The following PDE4B variants were observed in gnomAD, a reference collection of about 807,000 sequenced individuals.
PDE4B encodes phosphodiesterase 4B, also known as 3',5'-cyclic-AMP phosphodiesterase 4B.
PDE4B carries 20 observed loss-of-function variants against 82.2 expected under a neutral mutation model. That is an observed-to-expected ratio of 0.24 (90% CI 0.17 to 0.35). The LOEUF is 0.35. Among genes scored for constraint, PDE4B ranks in the 10% least tolerant of loss-of-function variants. The pLI is 1.00. For synonymous variants in PDE4B, 320 were observed against 318.9 expected, an observed-to-expected ratio of 1.00 and a Z score of -0.04; for missense variants, 655 against 907.2, an observed-to-expected ratio of 0.72 and a Z score of 3.57.
intron 3 of PDE4B, among the ~76,000 whole-genome samples, chr1:65,988,523 T>A (rs953128419): frequency 3.3e-5 from 5 of 152,064 alleles, no homozygotes; most frequent in African/African-American, 1.2e-4. Context: ...AGTCTAATGG[T>A]TGTGTGTTGT....
rs5774802 is a variant in PDE4B at position 66,136,697 on chromosome 1, CAAAAAA to C, written c.282-110744_282-110739del. ...TGAACGACAGAGCAAGACTCCCTCT[CAAAAAA>C]AAAAAAAAAAAAAAAAAAGAATGTT... On this transcript the variant is annotated intron_variant, in intron 3 of 16. Transcript: ENST00000341517. Among the ~76,000 whole-genome samples the C allele has an allele frequency of 8.1e-5, 5 of 61,564 alleles. No individual in the cohort carries two copies. In the Admixed American group the frequency reaches 8.8e-4, roughly 11 times the overall value. 40.4% of individuals were successfully genotyped at this position (61,564 alleles called of 152,430 possible).
At chr1:66,313,960 C>A (rs1164141639) in intron 7 of PDE4B, among the ~76,000 whole-genome samples, 1 of 152,100 alleles carries the variant, frequency 6.6e-6, no homozygotes, top group African/African-American at 2.4e-5. Context: ...TCCCCCTCCT[C>A]CCCTAACTCC....
intron 3 of PDE4B, among the ~76,000 whole-genome samples, chr1:65,987,688 C>T (rs1651026823): frequency 2.0e-5 from 3 of 152,168 alleles, no homozygotes; most frequent in Non-Finnish European, 4.4e-5. Flanking sequence ...TCTCTGCTCA[C>T]CACAACCTCC....
intron 1 of PDE4B, among the ~76,000 whole-genome samples, chr1:65,901,077 G>C (rs1383092058): frequency 6.6e-6 from 1 of 152,132 alleles, no homozygotes; most frequent in East Asian, 1.9e-4. Flanking sequence ...TCAGTATGCT[G>C]TTGGCTGTGG....
At chr1:66,236,856 G>T (rs1433936452) in intron 3 of PDE4B, among the ~76,000 whole-genome samples, 1 of 152,132 alleles carries the variant, frequency 6.6e-6, no homozygotes, top group Non-Finnish European at 1.5e-5. Flanking sequence ...CAACCAAACT[G>T]GTTTTAAATC....
intron 3 of PDE4B, among the ~76,000 whole-genome samples, chr1:65,925,113 C>T (rs1647426526): frequency 6.6e-6 from 1 of 152,114 alleles, no homozygotes; most frequent in Non-Finnish European, 1.5e-5. Flanking sequence ...TACCCTTTTG[C>T]TCATTTTAGT....
At chr1:66,282,374 C>T (rs777394478) in intron 7 of PDE4B, among the ~76,000 whole-genome samples, 16 of 152,200 alleles carry the variant, frequency 1.1e-4, no homozygotes, top group Middle Eastern at 3.4e-3. Context: ...ATTTTTAGGA[C>T]GTAACAGAGC....
chr1:66,199,375 T>G (rs1395044015), intron 3 of PDE4B, among the ~76,000 whole-genome samples: 2 of 152,218 alleles, frequency 1.3e-5, no homozygotes, highest in African/African-American at 4.8e-5. Flanking sequence ...TGATGAGCAT[T>G]TTTTCATGTG....
chr1:65,932,653 C>T (rs1026148584), intron 3 of PDE4B, among the ~76,000 whole-genome samples: 2 of 151,894 alleles, frequency 1.3e-5, no homozygotes, highest in African/African-American at 4.8e-5. Flanking sequence ...TTTGATTTAC[C>T]TAACAGAGAA....
At chr1:66,139,461 G>A (rs748855603) in intron 3 of PDE4B, among the ~76,000 whole-genome samples, 5 of 151,966 alleles carry the variant, frequency 3.3e-5, no homozygotes, top group African/African-American at 7.2e-5. Context: ...TTTCCACATC[G>A]CTCTCCCTCC....
chr1:66,219,187 T>C lies in PDE4B; in HGVS notation c.282-28273T>C, dbSNP rs570018429. 1.1e-4 allele frequency among the ~76,000 whole-genome samples: 17 copies of C among 152,214 alleles called. No individual in the cohort carries two copies. In the South Asian group the frequency reaches 1.2e-3, roughly 11 times the overall value. The stretch of plus-strand genomic sequence containing the variant: ...AAAATTTTTCTAATATGATTTCTCC[T>C]GGAACATGGTGCAGTGGCGAGGGCA... On this transcript the variant is annotated intron_variant, in intron 3 of 16. Transcript: ENST00000341517.
chr1:66,316,430 T>C (rs1659033135), intron 7 of PDE4B, among the ~76,000 whole-genome samples: 1 of 152,238 alleles, frequency 6.6e-6, no homozygotes, highest in Non-Finnish European at 1.5e-5. Context: ...GCCTTAGGCA[T>C]CTATAATCTA....
chr1:66,170,332 A>AT (rs1321497246), intron 3 of PDE4B, among the ~76,000 whole-genome samples: 1 of 152,182 alleles, frequency 6.6e-6, no homozygotes, highest in Non-Finnish European at 1.5e-5. Flanking sequence ...AAATTATATG[A>AT]TTTTTAGGAA....
chr1:66,044,925 T>G (rs1654605555), intron 3 of PDE4B, among the ~76,000 whole-genome samples: 1 of 151,686 alleles, frequency 6.6e-6, no homozygotes, highest in African/African-American at 2.4e-5. Flanking sequence ...TAAACTTGAG[T>G]AACAACTGGT....
intron 8 of PDE4B, among the ~76,000 whole-genome samples, chr1:66,353,524 A>G (rs1033441248): frequency 1.3e-5 from 2 of 152,194 alleles, no homozygotes; most frequent in Non-Finnish European, 2.9e-5. Flanking sequence ...GGCTGTTGCC[A>G]TGGTGCTTTG....
chr1:66,305,405 G>A (rs1339973374), intron 7 of PDE4B, among the ~76,000 whole-genome samples: 1 of 151,504 alleles, frequency 6.6e-6, no homozygotes, highest in Non-Finnish European at 1.5e-5. Context: ...GGGATGCCTA[G>A]TTAAATTTGA....
intron 3 of PDE4B, among the ~76,000 whole-genome samples, chr1:66,055,408 G>T (rs1487258237): frequency 6.6e-6 from 1 of 152,172 alleles, no homozygotes; most frequent in East Asian, 1.9e-4. Context: ...ATAGATAAAG[G>T]ATTAATAAAA....
intron 6 of PDE4B, among the ~76,000 whole-genome samples, chr1:66,260,068 C>T (rs1654570771): frequency 1.3e-5 from 2 of 152,172 alleles, no homozygotes; most frequent in African/African-American, 4.8e-5. Flanking sequence ...TATAATGGAT[C>T]GTTACATTTC....
intron 3 of PDE4B, chr1:65,992,356 G>A (rs1651288834): frequency 2.6e-5 from 4 of 152,362 alleles, no homozygotes; most frequent in South Asian, 4.1e-4. Flanking sequence ...ATAGCATTTG[G>A]TAGGTGGAGT....
Sources: allele counts gnomAD v4.1 joint callset (sites outside exome capture counted in the v4.1 genomes callset), GRCh38; gene constraint gnomAD v4.1.1; transcripts MANE v1.5; gene names NCBI Gene and HGNC (gene_info 2026-07-23, HGNC 2026-07-21).